SGSM1: variants seen among roughly 807,000 people sequenced by gnomAD.
SGSM1 encodes RUN and TBC1 domain containing 2.
A neutral mutation model predicts 133.8 loss-of-function variants in SGSM1; 73 were observed. That is an observed-to-expected ratio of 0.55 (90% CI 0.45 to 0.66). The LOEUF is 0.66. SGSM1 is among the 30% of genes least tolerant of loss of function. The pLI, the probability that SGSM1 is intolerant of heterozygous loss-of-function variation, is 0.00. For missense variants in SGSM1, 1,213 were observed against 1,448.1 expected, an observed-to-expected ratio of 0.84 and a Z score of 2.64; for synonymous variants, 563 against 573.0, an observed-to-expected ratio of 0.98 and a Z score of 0.25.
chr22:24,819,026 G>A (rs909563199), intron 2 of SGSM1, among the ~76,000 whole-genome samples: 1 of 151,512 alleles, frequency 6.6e-6, no homozygotes, highest in Non-Finnish European at 1.5e-5. Flanking sequence ...TGTGCCTGTA[G>A]TCCCAGCTAC....
At position 24,850,270 on chromosome 22, in the gene SGSM1, G is replaced by C. The variant is rs1247882713; in HGVS notation, c.303-10G>C. The C allele has an allele frequency of 6.4e-6, 10 of 1,574,692 alleles. No individual in the cohort carries two copies. The highest frequency in any genetic ancestry group is 1.7e-4 in the Middle Eastern group (1 of 6,018). On this transcript the variant is annotated splice_polypyrimidine_tract_variant and intron_variant, in intron 4 of 24. Coordinates refer to ENST00000400358, the MANE Select transcript of SGSM1 (RefSeq NM_001098497.3). ...TGAGTATCTATTCCCGTCTTTTATT[G>C]GTCTTGAAGGAGAAACCAGATTCAA...
intron 2 of SGSM1, among the ~76,000 whole-genome samples, chr22:24,818,549 TAG>T (rs1196587737): frequency 6.6e-6 from 1 of 151,692 alleles, no homozygotes; most frequent in Non-Finnish European, 1.5e-5. Context: ...TGTATTTTTG[TAG>T]AGATGGGGTT....
At chr22:24,919,743 C>G in intron 23 of SGSM1, 83 bp from the exon 24 acceptor site, 8 of 1,542,690 alleles carry the variant, frequency 5.2e-6, no homozygotes, top group Non-Finnish European at 7.1e-6. Flanking sequence ...GGGATTTTCC[C>G]ACCTTGGGGG....
chr22:24,876,819 G>A, intron 13 of SGSM1, 104 bp downstream of exon 13: 1 of 1,446,666 alleles, frequency 6.9e-7, no homozygotes, highest in Non-Finnish European at 9.4e-7. Context: ...AGCATAACCT[G>A]CGGACTCAGG....
At chr22:24,857,672 A>T (rs562970147) in intron 8 of SGSM1, among the ~76,000 whole-genome samples, 1 of 152,324 alleles carries the variant, frequency 6.6e-6, no homozygotes, top group South Asian at 2.1e-4. Flanking sequence ...TTTTTGACTT[A>T]GAGTCATCAG....
intron 15 of SGSM1, 63 bp from the exon 16 acceptor site, chr22:24,886,537 C>T (rs1361489617): frequency 6.5e-7 from 1 of 1,532,608 alleles, no homozygotes; most frequent in Non-Finnish European, 8.8e-7. Context: ...AACCCCATCC[C>T]TACTAAAACC....
At chr22:24,898,889 TGGTGGC>T (rs1172192917) in intron 19 of SGSM1, among the ~76,000 whole-genome samples, 1 of 151,792 alleles carries the variant, frequency 6.6e-6, no homozygotes, top group African/African-American at 2.4e-5. Flanking sequence ...TAGCCGGGCG[TGGTGGC>T]AGGCACCTGT....
intron 16 of SGSM1, among the ~76,000 whole-genome samples, chr22:24,891,366 T>C (rs1353487690): frequency 1.3e-5 from 2 of 151,878 alleles, no homozygotes; most frequent in Non-Finnish European, 2.9e-5. Flanking sequence ...TCTAAAAAAA[T>C]ATAAAGGATG....
intron 24 of SGSM1, among the ~76,000 whole-genome samples, chr22:24,920,665 A>T (rs927667473): frequency 5.4e-5 from 8 of 147,198 alleles, no homozygotes; most frequent in South Asian, 2.2e-4. Context: ...TTAATGAAAG[A>T]AAGTTCTGGA....
At chr22:24,873,254 C>T (rs1322039095) in intron 12 of SGSM1, among the ~76,000 whole-genome samples, 3 of 152,086 alleles carry the variant, frequency 2.0e-5, no homozygotes, top group Non-Finnish European at 4.4e-5. Flanking sequence ...TGAGCCACCT[C>T]CCAGCCTCTT....
chr22:24,869,430 G>A (rs1332403579), intron 12 of SGSM1, among the ~76,000 whole-genome samples: 2 of 152,132 alleles, frequency 1.3e-5, no homozygotes, highest in Non-Finnish European at 1.5e-5. Flanking sequence ...TGAGGTGGGA[G>A]GATCACCTGA....
At chr22:24,905,052 G>T in intron 20 of SGSM1, 53 bp from the exon 21 acceptor site, 1 of 1,488,956 alleles carries the variant, frequency 6.7e-7, no homozygotes, top group Non-Finnish European at 9.4e-7. Flanking sequence ...AGGTGGAGTG[G>T]GTTGGAGAGG....
chr22:24,891,351 C>T (rs897883848), intron 16 of SGSM1, among the ~76,000 whole-genome samples: 2 of 152,056 alleles, frequency 1.3e-5, no homozygotes, highest in Non-Finnish European at 1.5e-5. Context: ...CAAAGTAAGA[C>T]CCTGTCTAAA....
chr22:24,911,976 A>T (rs979714373), intron 21 of SGSM1, among the ~76,000 whole-genome samples: 1 of 151,786 alleles, frequency 6.6e-6, no homozygotes, highest in African/African-American at 2.4e-5. Context: ...AATGGCGTGA[A>T]CCTGGGAGGC....
intron 8 of SGSM1, among the ~76,000 whole-genome samples, chr22:24,858,887 G>A (rs1052411251): frequency 7.2e-5 from 11 of 152,334 alleles, no homozygotes; most frequent in African/African-American, 2.2e-4. Flanking sequence ...AAGTGATGAC[G>A]CTTTGAACAG....
At chr22:24,884,901 T>C (rs1395685682) in intron 15 of SGSM1, among the ~76,000 whole-genome samples, 1 of 152,080 alleles carries the variant, frequency 6.6e-6, no homozygotes, top group East Asian at 1.9e-4. Context: ...AAGATATTAG[T>C]GTATGAGGTA....
chr22:24,881,053 C>A (rs371753581), intron 14 of SGSM1, among the ~76,000 whole-genome samples: 1 of 151,006 alleles, frequency 6.6e-6, no homozygotes, highest in East Asian at 2.0e-4. Context: ...ATTGGCCGGG[C>A]ATGGTGGCAC....
chr22:24,915,229 A>AAAAT (rs55876996), intron 22 of SGSM1, among the ~76,000 whole-genome samples: 5,598 of 151,166 alleles, frequency 0.037, 148 homozygotes, highest in Non-Finnish European at 0.048. Flanking sequence ...ACTCCGTCTC[A>AAAAT]AAATAAATAA....
chr22:24,813,459 C>A (rs951522870), intron 2 of SGSM1, among the ~76,000 whole-genome samples: 2 of 152,174 alleles, frequency 1.3e-5, no homozygotes, highest in African/African-American at 4.8e-5. Flanking sequence ...CACAGCCCCC[C>A]ACCCACTACT....
Sources: gnomAD v4.1 joint callset for allele counts (sites outside exome capture counted in the v4.1 genomes callset) on GRCh38, gnomAD v4.1.1 for gene constraint, MANE v1.5 for transcripts, NCBI Gene and HGNC (gene_info 2026-07-23, HGNC 2026-07-21) for gene names.